The following KCNQ2 variants were observed in gnomAD, a reference collection of about 807,000 sequenced individuals.
The protein encoded by KCNQ2 is potassium voltage-gated channel subfamily Q member 2.
KCNQ2 carries 14 observed loss-of-function variants against 84.8 expected under a neutral mutation model. That is an observed-to-expected ratio of 0.17 (90% CI 0.11 to 0.26). The LOEUF (loss-of-function observed/expected upper bound fraction) is 0.26. KCNQ2 is among the 10% of genes least tolerant of loss of function. The pLI, the probability that KCNQ2 is intolerant of heterozygous loss-of-function variation, is 1.00. For missense variants in KCNQ2, 788 were observed against 1,254.0 expected (o/e 0.63, Z 5.61); for synonymous variants, 599 against 554.1 (o/e 1.08, Z -1.14).
chr20:63,458,414 G>A (rs543371426), intron 1 of KCNQ2, among the ~76,000 whole-genome samples: 5 of 152,228 alleles, frequency 3.3e-5, no homozygotes, highest in South Asian at 2.1e-4. Context: ...GGCAAACGCC[G>A]TCCCTGCCCC....
intron 12 of KCNQ2, among the ~76,000 whole-genome samples, chr20:63,416,013 G>A (rs929989041): frequency 6.6e-6 from 1 of 152,124 alleles, no homozygotes; most frequent in African/African-American, 2.4e-5. Flanking sequence ...TGGTGGGATG[G>A]GCTTCAGGAG....
intron 8 of KCNQ2, chr20:63,433,317 A>C (rs148421567): frequency 3.8e-4 from 79 of 206,048 alleles, no homozygotes; most frequent in Non-Finnish European, 7.2e-4. Flanking sequence ...CCCCCAGGAT[A>C]ATTTGAGTTT....
At chr20:63,443,376 CCATCAT>C (rs1568937546) in intron 4 of KCNQ2, among the ~76,000 whole-genome samples, 1 of 49,440 alleles carries the variant, frequency 2.0e-5, no homozygotes, top group Non-Finnish European at 4.5e-5. Flanking sequence ...ATCATCACCA[CCATCAT>C]CACCACCACC....
chr20:63,400,602 G>A lies in KCNQ2; in HGVS notation c.*6042C>T. The A allele has an allele frequency of 5.0e-6, 2 of 398,626 alleles. No individual in the cohort carries two copies. Among genetic ancestry groups the A allele is most frequent in the East Asian group, 7.1e-5 (2 of 28,084 alleles). The allele number at this position is 398,626 out of a possible 1,614,324, so 24.7% of individuals were successfully genotyped here. A position where few individuals can be genotyped will look rare whatever the true frequency, so the allele number is the denominator to read the frequency against. On this transcript the variant is annotated 3_prime_UTR_variant, in exon 17 of 17. Transcript: ENST00000359125. The surrounding 1 kb of genome is among the most constrained non-coding windows in gnomAD (Gnocchi z 8.7). Reference sequence around the variant, plus strand: ...TGAAGGCATTATGAAATGTTCTTTGGAGCATGAACAAAAGTGCAGACAGCC... The same window carrying A: ...TGAAGGCATTATGAAATGTTCTTTGAAGCATGAACAAAAGTGCAGACAGCC...
chr20:63,460,276 G>C lies in KCNQ2; in HGVS notation c.296+11892C>G, dbSNP rs1408800680. Reference sequence around the variant, plus strand: ...GGAGCAAAGGCTTCATGAGGTCCCAGGGGAGCTGGGGTGGAGAGGGGCTCC... The same window carrying C: ...GGAGCAAAGGCTTCATGAGGTCCCACGGGAGCTGGGGTGGAGAGGGGCTCC... On this transcript the variant is annotated intron_variant, in intron 1 of 16. Transcript: ENST00000359125. This position sits in a 1 kb window ranked among gnomAD's most constrained non-coding sequence, Gnocchi z 5.4. Among the ~76,000 whole-genome samples the C allele has an allele frequency of 3.3e-5, 5 of 152,166 alleles. No individual in the cohort carries two copies.
chr20:63,418,668 A>G (rs1187749760), intron 12 of KCNQ2, among the ~76,000 whole-genome samples: 3 of 152,172 alleles, frequency 2.0e-5, no homozygotes, highest in African/African-American at 7.2e-5. Flanking sequence ...GACAGCTGCT[A>G]GCGCCCCAGC....
chr20:63,434,036 C>A, intron 7 of KCNQ2, 133 bp from the exon 8 acceptor site: 1 of 705,572 alleles, frequency 1.4e-6, no homozygotes, highest in South Asian at 1.8e-5. Flanking sequence ...TCTGGGCCAG[C>A]AGGCCAGGCC....
Position 63,442,659 on chromosome 20 carries a change from C to T in KCNQ2, c.691-128G>A, listed in dbSNP as rs866780805. The T allele has an allele frequency of 4.0e-4, 234 of 584,856 alleles. 8 individuals are homozygous for T. The highest frequency in any genetic ancestry group is 1.3e-3 in the East Asian group (41 of 30,544). The allele number at this position is 584,856 out of a possible 1,614,324, so 36.2% of individuals were successfully genotyped here. On this transcript the variant is annotated intron_variant, in intron 4 of 16. Coordinates refer to ENST00000359125, the MANE Select transcript of KCNQ2 (RefSeq NM_172107.4). ...ACCACCACCAAAACCATCACCACCACCATCACCACCACCACCACCACCACC... is the reference window on the plus strand; with the variant it reads ...ACCACCACCAAAACCATCACCACCATCATCACCACCACCACCACCACCACC...
chr20:63,472,498 G>C lies in KCNQ2; in HGVS notation c.-35C>G, dbSNP rs1319541734. ...CGGGAGGCGCCCCGGGTCGGGCTCAGGCTCAGCGGGGGCGGAGCGCGGGGG... is the reference window on the plus strand; with the variant it reads ...CGGGAGGCGCCCCGGGTCGGGCTCACGCTCAGCGGGGGCGGAGCGCGGGGG... On this transcript the variant is annotated 5_prime_UTR_variant, in exon 1 of 17. Coordinates refer to ENST00000359125, the MANE Select transcript of KCNQ2 (RefSeq NM_172107.4). 6.3e-6 allele frequency: 9 copies of C among 1,419,220 alleles called. No individual in the cohort carries two copies. The highest frequency in any genetic ancestry group is 7.3e-6 in the Non-Finnish European group (8 of 1,089,668). 87.9% of individuals were successfully genotyped at this position (1,419,220 alleles called of 1,614,324 possible).
At chr20:63,451,859 G>A (rs930825288) in intron 1 of KCNQ2, among the ~76,000 whole-genome samples, 4 of 152,202 alleles carry the variant, frequency 2.6e-5, no homozygotes, top group East Asian at 1.9e-4. Flanking sequence ...TCCACCTTCC[G>A]ACTCCCCAGC....
At chr20:63,416,356 G>A (rs71325438) in intron 12 of KCNQ2, among the ~76,000 whole-genome samples, 2,926 of 152,292 alleles carry the variant, frequency 0.019, 40 homozygotes, top group Non-Finnish European at 0.031. Flanking sequence ...CAACTCCAGC[G>A]TCCGCCGGGC....
In KCNQ2 at chr20:63,400,654, T is replaced by G. The variant is rs1018502840; in HGVS notation, c.*5990A>C. ...GAGGCAACGGCGCAAATGGGGAAGC[T>G]GCAGCCACCGTCACGGCCAGAGGAT... On this transcript the variant is annotated 3_prime_UTR_variant, in exon 17 of 17. Coordinates refer to ENST00000359125, the MANE Select transcript of KCNQ2 (RefSeq NM_172107.4). This position sits in a 1 kb window ranked among gnomAD's most constrained non-coding sequence, Gnocchi z 8.7. 2.5e-6 allele frequency: 1 copy of G among 398,542 alleles called. No homozygotes were observed. The highest frequency in any genetic ancestry group is 2.1e-5 in the African/African-American group (1 of 48,640). 24.7% of individuals were successfully genotyped at this position (398,542 alleles called of 1,614,324 possible).
chr20:63,406,616 C>T lies in KCNQ2; in HGVS notation c.*28G>A, dbSNP rs748728588. 9.6e-6 allele frequency: 15 copies of T among 1,568,776 alleles called. No homozygotes were observed. The highest frequency in any genetic ancestry group is 9.1e-5 in the East Asian group (4 of 43,754). On this transcript the variant is annotated 3_prime_UTR_variant, in exon 17 of 17. Coordinates refer to ENST00000359125, the MANE Select transcript of KCNQ2 (RefSeq NM_172107.4). ...GGAGGCACCGTGCTGAGGAGGGCCG[C>T]GGGCGGGTCCACTGGCCCAGCGCCG... is the stretch of plus-strand genomic sequence containing the variant.
At chr20:63,442,770 CCAT>C in intron 4 of KCNQ2, among the ~76,000 whole-genome samples, 2 of 84,128 alleles carry the variant, frequency 2.4e-5, no homozygotes, top group African/African-American at 5.7e-5. Context: ...ACCACCATCA[CCAT>C]CACCACCACC....
intron 15 of KCNQ2, among the ~76,000 whole-genome samples, chr20:63,413,068 T>G (rs1380020307): frequency 1.3e-5 from 2 of 152,052 alleles, no homozygotes; most frequent in African/African-American, 4.8e-5. Flanking sequence ...TGTACACACA[T>G]GTATGCACCC....
At position 63,414,606 on chromosome 20, in the gene KCNQ2, T is replaced by G. The variant is rs1303863037; in HGVS notation, c.1525+297A>C. Among the ~76,000 whole-genome samples, 1 of 151,582 alleles carries G rather than the reference T, an allele frequency of 6.6e-6. No individual in the cohort carries two copies. The highest frequency in any genetic ancestry group is 2.4e-5 in the African/African-American group (1 of 41,250). On this transcript the variant is annotated intron_variant, in intron 13 of 16. Transcript: ENST00000359125. The surrounding 1 kb of genome is among the most constrained non-coding windows in gnomAD (Gnocchi z 6.6). ...CGGGTGCTGGGGCTGAGGCGGGGAA[T>G]GGGGTGACTACTGATGGGGTCATGG... is the stretch of plus-strand genomic sequence containing the variant.
At chr20:63,465,641 A>G (rs910330279) in intron 1 of KCNQ2, among the ~76,000 whole-genome samples, 6 of 152,196 alleles carry the variant, frequency 3.9e-5, no homozygotes, top group Non-Finnish European at 7.4e-5. Context: ...ACAAGCTCAG[A>G]TCTGCAGGCC....
At chr20:63,465,094 T>C (rs1431876518) in intron 1 of KCNQ2, among the ~76,000 whole-genome samples, 1 of 152,236 alleles carries the variant, frequency 6.6e-6, no homozygotes, top group Non-Finnish European at 1.5e-5. Context: ...GGCGCAGGTT[T>C]GGGGCTGAGG....
chr20:63,418,029 G>A (rs949315707), intron 12 of KCNQ2, among the ~76,000 whole-genome samples: 47 of 152,160 alleles, frequency 3.1e-4, no homozygotes, highest in African/African-American at 1.1e-3. Context: ...GGCGCGACCT[G>A]GACATGTCCT....
Sources: allele counts gnomAD v4.1 joint callset (sites outside exome capture counted in the v4.1 genomes callset), GRCh38; gene constraint gnomAD v4.1.1; non-coding constraint Gnocchi (gnomAD v3.1); transcripts MANE v1.5; gene names NCBI Gene and HGNC (gene_info 2026-07-23, HGNC 2026-07-21).